Variants in ASB18 observed in about 807,000 individuals in gnomAD.
The protein encoded by ASB18 is ankyrin repeat and SOCS box protein 18.
A neutral mutation model predicts 33.4 loss-of-function variants in ASB18; 33 were observed. The ratio of observed to expected loss-of-function variants is 0.99; its 90% CI spans 0.75 to 1.32. The LOEUF is 1.32. ASB18 is among the 40% of genes most tolerant of loss of function. The probability of loss-of-function intolerance (pLI) is 0.00; values close to 1 mark genes in which losing one functional copy is unlikely to be tolerated. For missense variants in ASB18, 694 were observed against 655.5 expected (o/e 1.06, Z -0.64); for synonymous variants, 295 against 307.6 (o/e 0.96, Z 0.43).
chr2:236,244,150 A>G lies in ASB18; in HGVS notation c.206-2748T>C, dbSNP rs548534895. On this transcript the variant is annotated intron_variant, in intron 1 of 5. Transcript: ENST00000409749. The surrounding 1 kb of genome is among the most constrained non-coding windows in gnomAD (Gnocchi z 6.1). ...CTGTTTTTCTTTCTTTCTTTCAACC[A>G]TTCTTGTTTTTCCCCACCAGGAAGT... 1.3e-5 allele frequency among the ~76,000 whole-genome samples: 2 copies of G among 152,210 alleles called. No individual in the cohort carries two copies. The highest frequency in any genetic ancestry group is 1.3e-4 in the Admixed American group (2 of 15,300).
chr2:236,199,603 C>A lies in ASB18; in HGVS notation c.1102-3218G>T, dbSNP rs183774926. Among the ~76,000 whole-genome samples, 429 of 150,422 alleles carry A rather than the reference C, an allele frequency of 2.9e-3. 2 individuals carry two copies. The highest frequency in any genetic ancestry group is 9.6e-3 in the African/African-American group (393 of 40,958). On this transcript the variant is annotated intron_variant, in intron 4 of 5. Transcript: ENST00000409749. ...ATACTAGATCAGGCTAGATCTTCAC[C>A]GTATCTATTAATAAGCACACTTTTC...
chr2:236,261,043 A>G (rs1367769840), intron 1 of ASB18, among the ~76,000 whole-genome samples: 2 of 152,166 alleles, frequency 1.3e-5, no homozygotes. Context: ...ATAAATCATC[A>G]TAATCACAGT....
Position 236,214,596 on chromosome 2 carries a change from G to A in ASB18, c.867C>T (p.Arg289=). The A allele has an allele frequency of 1.6e-6, 2 of 1,260,528 alleles. No homozygotes were observed. Among genetic ancestry groups the A allele is most frequent in the Non-Finnish European group, 2.0e-6 (2 of 1,006,538 alleles). The allele number at this position is 1,260,528 out of a possible 1,614,324, so 78.1% of individuals were successfully genotyped here. Residue 289 remains arginine (R), a synonymous_variant, in exon 4 of 6, where the codon CGC becomes CGT. Transcript: ENST00000409749. This position sits in a 1 kb window ranked among gnomAD's most constrained non-coding sequence, Gnocchi z 6.5. ...GCAGCGGGCTGCGCTCGTCCTCGTCGCGCGCGTCCGCCTCCGCCCCGCGCC... is the reference window on the plus strand; with the variant it reads ...GCAGCGGGCTGCGCTCGTCCTCGTCACGCGCGTCCGCCTCCGCCCCGCGCC... ...LLRRGAEADA[R]DEDERSPLHK...
In ASB18 at chr2:236,264,210, C is replaced by T. The variant is rs761277523; in HGVS notation, c.136G>A (p.Val46Met). ...ICTEITPVDA[V>M]IELANDDWMK... ...CAGTCGTCATTGGCCAGTTCTATCA[C>T]AGCGTCCACAGGCGTGATTTCAGTG... The change falls in exon 1 of 6, where the codon GTG becomes ATG. Residue 46 changes from valine to methionine, a missense_variant. Physicochemically the swap from Val to Met is conservative, Grantham distance 21 (BLOSUM62 1). Transcript: ENST00000409749. This position sits in a 1 kb window ranked among gnomAD's most constrained non-coding sequence, Gnocchi z 5.1. 6.2e-7 allele frequency: 1 copy of T among 1,613,990 alleles called. No individual in the cohort carries two copies. The highest frequency in any genetic ancestry group is 1.6e-4 in the Middle Eastern group (1 of 6,062).
At position 236,203,001 on chromosome 2, in the gene ASB18, C is replaced by A. The variant is rs1325877128; in HGVS notation, c.1102-6616G>T. 6.6e-6 allele frequency among the ~76,000 whole-genome samples: 1 copy of A among 151,768 alleles called. No individual in the cohort carries two copies. The highest frequency in any genetic ancestry group is 1.5e-5 in the Non-Finnish European group (1 of 67,994). On this transcript the variant is annotated intron_variant, in intron 4 of 5. Transcript: ENST00000409749. The surrounding 1 kb of genome is among the most constrained non-coding windows in gnomAD (Gnocchi z 6.0). ...TTATATTGCGTATCTCCTTCAGTAACAATTTTGGTATTTGCATTTAGTTTT... is the reference window on the plus strand; with the variant it reads ...TTATATTGCGTATCTCCTTCAGTAAAAATTTTGGTATTTGCATTTAGTTTT...
At position 236,208,252 on chromosome 2, in the gene ASB18, G is replaced by A. The variant is rs556945202; in HGVS notation, c.1101+6110C>T. Among the ~76,000 whole-genome samples the A allele has an allele frequency of 3.9e-5, 6 of 152,118 alleles. No individual in the cohort carries two copies. Among genetic ancestry groups the A allele is most frequent in the South Asian group, 2.1e-4 (1 of 4,804 alleles). ...CAGCACGGTCTTCCCAGCCCATCTC[G>A]CCAGCCCTGTCCCTCTCTGCGCCCC... is the stretch of plus-strand genomic sequence containing the variant. On this transcript the variant is annotated intron_variant, in intron 4 of 5. Transcript: ENST00000409749. The surrounding 1 kb of genome is among the most constrained non-coding windows in gnomAD (Gnocchi z 7.7).
At chr2:236,206,652 G>A (rs780288154) in intron 4 of ASB18, among the ~76,000 whole-genome samples, 1 of 152,092 alleles carries the variant, frequency 6.6e-6, no homozygotes, top group Non-Finnish European at 1.5e-5. Flanking sequence ...TGCTACTTGT[G>A]ATTTAAACCA....
At chr2:236,224,185 GTTTTTTTTTT>G (rs1161648778) in intron 3 of ASB18, among the ~76,000 whole-genome samples, 4 of 66,772 alleles carry the variant, frequency 6.0e-5, no homozygotes, top group Non-Finnish European at 1.0e-4. Flanking sequence ...GTGTTGTCAG[GTTTTTTTTTT>G]TTTTTTTTTT....
At position 236,245,736 on chromosome 2, in the gene ASB18, C is replaced by T. The variant is rs1002543880; in HGVS notation, c.206-4334G>A. 7.9e-5 allele frequency among the ~76,000 whole-genome samples: 12 copies of T among 152,138 alleles called. No individual in the cohort carries two copies. Among genetic ancestry groups the T allele is most frequent in the East Asian group, 1.9e-4 (1 of 5,182 alleles). ...CTTCACCATGAGCTTTTTTGGAGGA[C>T]GGTGGGGGCTGCTGCTTCCTCTCTG... On this transcript the variant is annotated intron_variant, in intron 1 of 5. Transcript: ENST00000409749. The surrounding 1 kb of genome is among the most constrained non-coding windows in gnomAD (Gnocchi z 4.7).
rs2060492604 is a variant in ASB18, at chr2:236,217,368, C to T, written c.597-2502G>A. Among the ~76,000 whole-genome samples the T allele has an allele frequency of 6.6e-6, 1 of 151,318 alleles. No homozygotes were observed. Among genetic ancestry groups the T allele is most frequent in the African/African-American group, 2.4e-5 (1 of 41,020 alleles). ...GTTGCAGTGAGCCAAGATCGTGCCCCTGAACTCCATCCAGCCTGGGGGCAA... is the reference window on the plus strand; with the variant it reads ...GTTGCAGTGAGCCAAGATCGTGCCCTTGAACTCCATCCAGCCTGGGGGCAA... On this transcript the variant is annotated intron_variant, in intron 3 of 5. Coordinates refer to ENST00000409749, the MANE Select transcript of ASB18 (RefSeq NM_212556.4). The surrounding 1 kb of genome is among the most constrained non-coding windows in gnomAD (Gnocchi z 5.2).
At position 236,220,401 on chromosome 2, in the gene ASB18, A is replaced by G. The variant is rs1296606629; in HGVS notation, c.597-5535T>C. ...CATGCTCCCTGCATGCTCTGCCCAG[A>G]TACCTCTTCTCTCAGCCAGAGCCTG... On this transcript the variant is annotated intron_variant, in intron 3 of 5. Coordinates refer to ENST00000409749, the MANE Select transcript of ASB18 (RefSeq NM_212556.4). The surrounding 1 kb of genome is among the most constrained non-coding windows in gnomAD (Gnocchi z 5.1). Among the ~76,000 whole-genome samples the G allele has an allele frequency of 6.6e-6, 1 of 152,020 alleles. No homozygotes were observed. Among genetic ancestry groups the G allele is most frequent in the Non-Finnish European group, 1.5e-5 (1 of 67,996 alleles).
Position 236,253,549 on chromosome 2 carries a change from T to A in ASB18, c.205+10592A>T, listed in dbSNP as rs2060678098. On this transcript the variant is annotated intron_variant, in intron 1 of 5. Transcript: ENST00000409749. The surrounding 1 kb of genome is among the most constrained non-coding windows in gnomAD (Gnocchi z 5.4). ...TTGCTGGTTAACTTATTATTATTAT[T>A]ATTATTATTATTATTGTGGTGGGAG... Among the ~76,000 whole-genome samples, 1 of 151,352 alleles carries A rather than the reference T, an allele frequency of 6.6e-6. No individual in the cohort carries two copies. The highest frequency in any genetic ancestry group is 2.1e-4 in the South Asian group (1 of 4,768).
rs1172222369 is a variant in ASB18, at chr2:236,209,516, T to C, written c.1101+4846A>G. On this transcript the variant is annotated intron_variant, in intron 4 of 5. Transcript: ENST00000409749. The surrounding 1 kb of genome is among the most constrained non-coding windows in gnomAD (Gnocchi z 4.4). ...AACTGCTGGGCTCAAGTCATCCTTGTGCCTCCCAGAGTGCTAGGATTATAG... is the reference window on the plus strand; with the variant it reads ...AACTGCTGGGCTCAAGTCATCCTTGCGCCTCCCAGAGTGCTAGGATTATAG... Among the ~76,000 whole-genome samples the C allele has an allele frequency of 1.3e-5, 2 of 152,198 alleles. No homozygotes were observed. The highest frequency in any genetic ancestry group is 2.9e-5 in the Non-Finnish European group (2 of 68,026).
intron 3 of ASB18, among the ~76,000 whole-genome samples, chr2:236,227,141 C>T (rs370076755): frequency 6.6e-5 from 10 of 152,058 alleles, no homozygotes; most frequent in South Asian, 2.1e-4. Flanking sequence ...TTTGGCAAGG[C>T]GGGGAGGGAG....
At chr2:236,247,832 T>C (rs969484058) in intron 1 of ASB18, 1 of 152,174 alleles carries the variant, frequency 6.6e-6, no homozygotes, top group Non-Finnish European at 1.5e-5. Flanking sequence ...AGAGGTTTAG[T>C]TTTCAAATGG....
At chr2:236,233,869 G>A (rs1210921380) in intron 3 of ASB18, among the ~76,000 whole-genome samples, 9 of 152,154 alleles carry the variant, frequency 5.9e-5, no homozygotes, top group Admixed American at 5.2e-4. Context: ...AACCCAGGAA[G>A]CTATGTTGTA....
In ASB18 at chr2:236,260,265, C is replaced by T. The variant is rs2060711895; in HGVS notation, c.205+3876G>A. On this transcript the variant is annotated intron_variant, in intron 1 of 5. Coordinates refer to ENST00000409749, the MANE Select transcript of ASB18 (RefSeq NM_212556.4). The surrounding 1 kb of genome is among the most constrained non-coding windows in gnomAD (Gnocchi z 5.1). ...CAGGTACTTTTGCCAACATGACCCT[C>T]GACTCTTGCCTTCTCCTGGCTCAGG... Among the ~76,000 whole-genome samples, 1 of 152,184 alleles carries T rather than the reference C, an allele frequency of 6.6e-6. No individual in the cohort carries two copies. The highest frequency in any genetic ancestry group is 1.5e-5 in the Non-Finnish European group (1 of 68,036).
At position 236,263,058 on chromosome 2, in the gene ASB18, T is replaced by C. The variant is rs1220785586; in HGVS notation, c.205+1083A>G. Among the ~76,000 whole-genome samples, 1 of 152,166 alleles carries C rather than the reference T, an allele frequency of 6.6e-6. No individual in the cohort carries two copies. The highest frequency in any genetic ancestry group is 1.5e-5 in the Non-Finnish European group (1 of 68,022). ...TTGCGTGTGCGTGTGTGCACCTATG[T>C]TGGGAGGGAGAATGGGGGTGGAAAG... On this transcript the variant is annotated intron_variant, in intron 1 of 5. Coordinates refer to ENST00000409749, the MANE Select transcript of ASB18 (RefSeq NM_212556.4). This position sits in a 1 kb window ranked among gnomAD's most constrained non-coding sequence, Gnocchi z 4.0.
At position 236,241,170 on chromosome 2, in the gene ASB18, C is replaced by G. The variant is rs567924038; in HGVS notation, c.328+110G>C. On this transcript the variant is annotated intron_variant, in intron 2 of 5. Coordinates refer to ENST00000409749, the MANE Select transcript of ASB18 (RefSeq NM_212556.4). The surrounding 1 kb of genome is among the most constrained non-coding windows in gnomAD (Gnocchi z 4.2). ...TCATCAGATGTCCTTTTCTTGTGTA[C>G]GTTAAACCCAGTGCCACTGTGCCCA... is the stretch of plus-strand genomic sequence containing the variant. The G allele has an allele frequency of 6.6e-5, 73 of 1,103,746 alleles. No individual in the cohort carries two copies. Among genetic ancestry groups the G allele is most frequent in the Non-Finnish European group, 9.3e-5 (69 of 745,844 alleles). The allele number at this position is 1,103,746 out of a possible 1,614,324, so 68.4% of individuals were successfully genotyped here.
Sources: allele counts gnomAD v4.1 joint callset (sites outside exome capture counted in the v4.1 genomes callset), GRCh38; gene constraint gnomAD v4.1.1; non-coding constraint Gnocchi (gnomAD v3.1); transcripts MANE v1.5; gene names NCBI Gene and HGNC (gene_info 2026-07-23, HGNC 2026-07-21).